The following TIAM1 variants were observed in gnomAD, a reference collection of about 807,000 sequenced individuals.
TIAM1 encodes the protein rho guanine nucleotide exchange factor TIAM1.
TIAM1 carries 65 observed loss-of-function variants against 163.5 expected under a neutral mutation model. That is an observed-to-expected ratio of 0.40 (90% CI 0.33 to 0.49). TIAM1 has a LOEUF of 0.49. TIAM1 is among the 20% of genes least tolerant of loss of function. The probability of loss-of-function intolerance (pLI) is 0.77; values close to 1 mark genes in which losing one functional copy is unlikely to be tolerated. For synonymous variants in TIAM1, 833 were observed against 810.1 expected, an observed-to-expected ratio of 1.03 and a Z score of -0.48; for missense variants, 1,789 against 2,044.7, an observed-to-expected ratio of 0.87 and a Z score of 2.41.
At position 31,124,545 on chromosome 21, in the gene TIAM1, G is replaced by A; in HGVS notation, c.4283C>T (p.Ala1428Val). The A allele has an allele frequency of 6.2e-7, 1 of 1,613,390 alleles. No individual in the cohort carries two copies. Among genetic ancestry groups the A allele is most frequent in the Admixed American group, 1.7e-5 (1 of 60,018 alleles). ...GGKRLCALKGARPAMSRAVSA... is the reference protein window; with the variant it reads ...GGKRLCALKGVRPAMSRAVSA... ...ACCTGCCCTGCTCATGGCCGGCCTG[G>A]CCCCCTTCAGTGCACACAATCTTTT... The change falls in exon 27 of 28, where the codon GCC becomes GTC. Residue 1428 changes from alanine to valine, a missense_variant. Ala to Val is a moderately conservative substitution (Grantham distance 64). Transcript: ENST00000541036.
At chr21:31,179,334 C>G (rs2084908165) in intron 15 of TIAM1, among the ~76,000 whole-genome samples, 1 of 151,706 alleles carries the variant, frequency 6.6e-6, no homozygotes, top group African/African-American at 2.4e-5. Context: ...TTGCAGTGAG[C>G]CAAGATGGCG....
chr21:31,174,077 A>G (rs1329205381), intron 15 of TIAM1, among the ~76,000 whole-genome samples: 2 of 152,306 alleles, frequency 1.3e-5, no homozygotes, highest in East Asian at 3.9e-4. Context: ...GACTTCAGAG[A>G]ATCTGAAGCC....
At chr21:31,417,057 T>C (rs1025472767) in intron 2 of TIAM1, among the ~76,000 whole-genome samples, 1 of 152,226 alleles carries the variant, frequency 6.6e-6, no homozygotes, top group Non-Finnish European at 1.5e-5. Context: ...AGTTTCACTC[T>C]TGTTGCCCAG....
At chr21:31,416,761 C>G (rs2043387439) in intron 2 of TIAM1, among the ~76,000 whole-genome samples, 1 of 152,244 alleles carries the variant, frequency 6.6e-6, no homozygotes, top group African/African-American at 2.4e-5. Context: ...AAAGTGATCA[C>G]TTGCTCAGCG....
intron 1 of TIAM1, among the ~76,000 whole-genome samples, chr21:31,545,859 T>G (rs372667234): frequency 6.6e-6 from 1 of 152,286 alleles, no homozygotes; most frequent in Non-Finnish European, 1.5e-5. Context: ...ATGTGTAAAG[T>G]GGATTACAAA....
At chr21:31,162,863 C>T (rs2083997599) in intron 16 of TIAM1, among the ~76,000 whole-genome samples, 1 of 152,096 alleles carries the variant, frequency 6.6e-6, no homozygotes, top group African/African-American at 2.4e-5. Flanking sequence ...CCATCTATTT[C>T]TATATTTGAC....
intron 2 of TIAM1, among the ~76,000 whole-genome samples, chr21:31,365,316 G>C (rs1002399559): frequency 4.0e-5 from 6 of 151,500 alleles, no homozygotes; most frequent in African/African-American, 1.5e-4. Context: ...TGGATGTGCT[G>C]ATGTTTCCGT....
chr21:31,128,527 A>T (rs144083701), intron 25 of TIAM1, among the ~76,000 whole-genome samples: 1 of 152,226 alleles, frequency 6.6e-6, no homozygotes, highest in Non-Finnish European at 1.5e-5. Flanking sequence ...TAAACCTGGC[A>T]TGAGGAAACA....
At chr21:31,430,224 AAATATAT>A (rs1372869426) in intron 2 of TIAM1, among the ~76,000 whole-genome samples, 314 of 90,904 alleles carry the variant, frequency 3.5e-3, no homozygotes, top group African/African-American at 0.014. Context: ...AAAAAAAAAA[AAATATAT>A]ATATATATAT....
intron 6 of TIAM1, among the ~76,000 whole-genome samples, chr21:31,231,768 C>A (rs530024401): frequency 6.6e-6 from 1 of 152,130 alleles, no homozygotes; most frequent in African/African-American, 2.4e-5. Context: ...GTAGTCCCAG[C>A]ACTTTGGGAG....
chr21:31,418,569 C>T (rs1157131039), intron 2 of TIAM1, among the ~76,000 whole-genome samples: 2 of 151,988 alleles, frequency 1.3e-5, no homozygotes, highest in East Asian at 1.9e-4. Context: ...AGCATCCTGG[C>T]GAGGGATGAA....
chr21:31,131,003 T>G, intron 23 of TIAM1, 55 bp from the exon 24 acceptor site: 1 of 1,479,528 alleles, frequency 6.8e-7, no homozygotes, highest in Admixed American at 1.7e-5. Flanking sequence ...GGTTTTCCCC[T>G]TGACATCACC....
chr21:31,170,344 T>C (rs1028119730), intron 15 of TIAM1, among the ~76,000 whole-genome samples: 10 of 152,186 alleles, frequency 6.6e-5, no homozygotes, highest in African/African-American at 1.9e-4. Flanking sequence ...TCCCAAGAAA[T>C]TGGTGAATAT....
intron 1 of TIAM1, among the ~76,000 whole-genome samples, chr21:31,469,269 A>G (rs1404731586): frequency 1.3e-5 from 2 of 150,280 alleles, no homozygotes; most frequent in East Asian, 2.0e-4. Context: ...TCTGGGAAGC[A>G]GCAGGGGGGT....
At chr21:31,142,042 C>G (rs2082870866) in intron 20 of TIAM1, among the ~76,000 whole-genome samples, 1 of 152,048 alleles carries the variant, frequency 6.6e-6, no homozygotes, top group African/African-American at 2.4e-5. Flanking sequence ...CACCACAGAG[C>G]CCGGCCTCCC....
At chr21:31,516,078 G>C (rs374771605) in intron 1 of TIAM1, among the ~76,000 whole-genome samples, 2 of 139,066 alleles carry the variant, frequency 1.4e-5, no homozygotes, top group Non-Finnish European at 3.1e-5. Context: ...ACCACACTCC[G>C]GCATGGGAGA....
intron 11 of TIAM1, among the ~76,000 whole-genome samples, chr21:31,208,767 C>A (rs7276831): frequency 6.6e-6 from 1 of 152,046 alleles, no homozygotes. Flanking sequence ...TTTAAAAAGC[C>A]GTCTGTGATT....
intron 1 of TIAM1, among the ~76,000 whole-genome samples, chr21:31,536,852 G>A (rs1165798842): frequency 2.0e-5 from 3 of 152,234 alleles, no homozygotes; most frequent in South Asian, 4.1e-4. Context: ...AGATGGCAGG[G>A]ACCAGGAGGC....
At chr21:31,431,265 T>C (rs2044017925) in intron 2 of TIAM1, among the ~76,000 whole-genome samples, 1 of 152,196 alleles carries the variant, frequency 6.6e-6, no homozygotes, top group East Asian at 1.9e-4. Context: ...GTATGTTCAG[T>C]AGCTCTTACC....
Sources: gnomAD v4.1 joint callset for allele counts (sites outside exome capture counted in the v4.1 genomes callset) on GRCh38, gnomAD v4.1.1 for gene constraint, MANE v1.5 for transcripts, NCBI Gene and HGNC (gene_info 2026-07-23, HGNC 2026-07-21) for gene names.